The following NME9 variants were observed in gnomAD, a reference collection of about 807,000 sequenced individuals.
NME9 encodes NME/NM23 family member 9.
NME9 carries 48 observed loss-of-function variants against 44.4 expected under a neutral mutation model. That is an observed-to-expected ratio of 1.08 (90% CI 0.86 to 1.37). The LOEUF is 1.37. NME9 is among the 40% of genes most tolerant of loss of function. The pLI is 0.00. For synonymous variants in NME9, 139 were observed against 147.1 expected, an observed-to-expected ratio of 0.94 and a Z score of 0.40; for missense variants, 325 against 405.2, an observed-to-expected ratio of 0.80 and a Z score of 1.70.
Position 138,315,145 on chromosome 3 carries a change from A to G in NME9, c.384+382T>C, listed in dbSNP as rs144340769. On this transcript the variant is annotated intron_variant, in intron 5 of 10. Coordinates refer to ENST00000333911, the MANE Select transcript of NME9 (RefSeq NM_001349018.2). Reference sequence around the variant, plus strand: ...CTCTGAGTTCACAAGTAAAACCTTCAGGAATATGAGCCAGTGGGTCACTAG... The same window carrying G: ...CTCTGAGTTCACAAGTAAAACCTTCGGGAATATGAGCCAGTGGGTCACTAG... Among the ~76,000 whole-genome samples, 1,426 of 152,334 alleles carry G rather than the reference A, an allele frequency of 9.4e-3. 7 individuals carry two copies. The highest frequency in any genetic ancestry group is 0.014 in the Non-Finnish European group (958 of 68,024).
chr3:138,299,839 ATC>A (rs1330334939), downstream of NME9, among the ~76,000 whole-genome samples: 3 of 152,126 alleles, frequency 2.0e-5, no homozygotes, highest in Non-Finnish European at 4.4e-5. Flanking sequence ...TGGTGGCTCC[ATC>A]TCTCATCTCA....
intron 8 of NME9, among the ~76,000 whole-genome samples, chr3:138,283,844 A>G (rs143725678): frequency 1.3e-5 from 2 of 152,182 alleles, no homozygotes. Flanking sequence ...GTTGCTTCAT[A>G]CATTTTACTT....
intron 8 of NME9, among the ~76,000 whole-genome samples, chr3:138,274,158 C>T (rs1020496493): frequency 2.0e-5 from 3 of 151,740 alleles, no homozygotes; most frequent in African/African-American, 7.3e-5. Context: ...GTTTGAGGAC[C>T]CCCAATGATT....
chr3:138,270,853 A>G (rs528821868), intron 8 of NME9, among the ~76,000 whole-genome samples: 6 of 152,348 alleles, frequency 3.9e-5, no homozygotes, highest in Non-Finnish European at 7.4e-5. Context: ...AATTGTAAAT[A>G]GAGTAATCCT....
chr3:138,274,104 G>A (rs1387638195), intron 8 of NME9, among the ~76,000 whole-genome samples: 2 of 152,108 alleles, frequency 1.3e-5, no homozygotes, highest in South Asian at 2.1e-4. Context: ...AGGCGTGAGC[G>A]TACCGTACTT....
intron 8 of NME9, among the ~76,000 whole-genome samples, chr3:138,285,748 G>C (rs1342595331): frequency 2.6e-5 from 4 of 152,180 alleles, no homozygotes; most frequent in African/African-American, 9.7e-5. Flanking sequence ...GTGCACAACT[G>C]TATATCCACC....
chr3:138,300,095 G>A (rs76184212), downstream of NME9, among the ~76,000 whole-genome samples: 2,211 of 152,292 alleles, frequency 0.015, 52 homozygotes, highest in African/African-American at 0.048. Context: ...CTGGGGATCT[G>A]GAATAGTGCA....
intron 6 of NME9, among the ~76,000 whole-genome samples, chr3:138,308,343 G>A (rs1251874077): frequency 1.3e-5 from 2 of 152,078 alleles, no homozygotes; most frequent in Non-Finnish European, 2.9e-5. Flanking sequence ...CAGTTCCTGA[G>A]CCTAATTCTG....
Position 138,313,520 on chromosome 3 carries a change from G to C in NME9, c.460+812C>G, listed in dbSNP as rs544514770. 6.6e-5 allele frequency among the ~76,000 whole-genome samples: 10 copies of C among 152,204 alleles called. No homozygotes were observed. In the East Asian group the frequency reaches 1.9e-3, roughly 29 times the overall value. Reference sequence around the variant, plus strand: ...TATAGAAAACAGTATGGAGGTCCCTGAAAAAACAAAACTAGAGCTACCATA... The same window carrying C: ...TATAGAAAACAGTATGGAGGTCCCTCAAAAAACAAAACTAGAGCTACCATA... On this transcript the variant is annotated intron_variant, in intron 6 of 10. Transcript: ENST00000333911.
chr3:138,319,639 C>G, intron 2 of NME9, 58 bp from the exon 3 acceptor site: 1 of 866,350 alleles, frequency 1.2e-6, no homozygotes, highest in Non-Finnish European at 2.0e-6. Flanking sequence ...CCACACCATG[C>G]ATAATTTATA....
intron 6 of NME9, among the ~76,000 whole-genome samples, chr3:138,310,741 A>G (rs2052643000): frequency 6.6e-6 from 1 of 152,316 alleles, no homozygotes; most frequent in South Asian, 2.1e-4. Context: ...CACATCCAAA[A>G]TCTACAGGAT....
intron 2 of NME9, among the ~76,000 whole-genome samples, chr3:138,324,011 A>G (rs1467512693): frequency 6.6e-6 from 1 of 152,172 alleles, no homozygotes; most frequent in Non-Finnish European, 1.5e-5. Context: ...TATCACTTTC[A>G]AGATTAGGCT....
At chr3:138,262,290 A>G (rs1462422497) in exon 9 of NME9, 3 of 446,706 alleles carry the variant, frequency 6.7e-6, no homozygotes, top group Non-Finnish European at 1.2e-5. Flanking sequence ...GCATATCAGT[A>G]AGAATGGAAT....
chr3:138,322,791 G>C (rs190757940), intron 2 of NME9, among the ~76,000 whole-genome samples: 3 of 152,332 alleles, frequency 2.0e-5, no homozygotes, highest in East Asian at 1.9e-4. Flanking sequence ...GCTTGGCAGA[G>C]GGTCAGTGCT....
Position 138,301,156 on chromosome 3 carries a change from A to G in NME9, c.*484T>C. The G allele has an allele frequency of 1.1e-6, 1 of 948,988 alleles. No individual in the cohort carries two copies. Among genetic ancestry groups the G allele is most frequent in the Non-Finnish European group, 1.3e-6 (1 of 797,062 alleles). The allele number at this position is 948,988 out of a possible 1,614,324, so 58.8% of individuals were successfully genotyped here. A position where few individuals can be genotyped will look rare whatever the true frequency, so the allele number is the denominator to read the frequency against. ...AGAGAAAAAAAACTGCGTTCTACAT[A>G]CTGTTTAATAAGGCAGAAAAGTATA... On this transcript the variant is annotated 3_prime_UTR_variant, in exon 11 of 11. Coordinates refer to ENST00000333911, the MANE Select transcript of NME9 (RefSeq NM_001349018.2).
At position 138,306,081 on chromosome 3, in the gene NME9, AC is replaced by A; in HGVS notation, c.558del (p.Phe187LeufsTer4). On this transcript the variant is annotated frameshift_variant, in exon 8 of 11. Transcript: ENST00000333911. LOFTEE classifies it high-confidence loss of function. ...DEIIMKIQEA[G>X]FEILTNEERT... ...CTCTCTTCATTTGTTAGAATTTCAA[AC>A]CCAGCTTCCTGAATCTGTAGAATAT... The A allele has an allele frequency of 6.2e-7, 1 of 1,611,194 alleles. No individual in the cohort carries two copies. The highest frequency in any genetic ancestry group is 8.5e-7 in the Non-Finnish European group (1 of 1,177,310).
At chr3:138,306,522 C>G (rs751987086) in intron 6 of NME9, 42 bp from the exon 7 acceptor site, 4 of 1,245,236 alleles carry the variant, frequency 3.2e-6, no homozygotes, top group African/African-American at 1.5e-5. Flanking sequence ...ATGTTTGAGG[C>G]TCCTGAGAGG....
At position 138,301,483 on chromosome 3, in the gene NME9, G is replaced by A. The variant is rs1286377007; in HGVS notation, c.*157C>T. The A allele has an allele frequency of 2.1e-6, 3 of 1,402,930 alleles. No individual in the cohort carries two copies. The allele number at this position is 1,402,930 out of a possible 1,614,324, so 86.9% of individuals were successfully genotyped here. ...GCCTCCCAAAGTGCTGGGATTACAG[G>A]TGTGAGTCACTGCGCCCAGCCATAT... On this transcript the variant is annotated 3_prime_UTR_variant, in exon 11 of 11. Coordinates refer to ENST00000333911, the MANE Select transcript of NME9 (RefSeq NM_001349018.2).
At chr3:138,311,834 A>T in intron 6 of NME9, among the ~76,000 whole-genome samples, 1 of 152,182 alleles carries the variant, frequency 6.6e-6, no homozygotes, top group Admixed American at 6.5e-5. Flanking sequence ...CTCGAATAAG[A>T]CAAGGATGCC....
Sources: gnomAD v4.1 joint callset for allele counts (sites outside exome capture counted in the v4.1 genomes callset) on GRCh38, gnomAD v4.1.1 for gene constraint, MANE v1.5 for transcripts, NCBI Gene and HGNC (gene_info 2026-07-23, HGNC 2026-07-21) for gene names.